The following ATP13A4 variants were observed in gnomAD, a reference collection of about 807,000 sequenced individuals.
ATP13A4 encodes probable cation-transporting ATPase 13A4.
In ATP13A4, 114 loss-of-function variants were observed where a neutral mutation model predicts 142.5. That is an observed-to-expected ratio of 0.80 (90% CI 0.69 to 0.93). ATP13A4 has a LOEUF of 0.93. Ranked by LOEUF, ATP13A4 falls within the 40% of genes least tolerant of loss-of-function variation. The pLI is 0.00. For synonymous variants in ATP13A4, 488 were observed against 514.8 expected (o/e 0.95, Z 0.70); for missense variants, 1,392 against 1,454.0 (o/e 0.96, Z 0.69).
At chr3:193,447,368 A>G (rs1001753712) in intron 18 of ATP13A4, among the ~76,000 whole-genome samples, 1 of 152,168 alleles carries the variant, frequency 6.6e-6, no homozygotes, top group Non-Finnish European at 1.5e-5. Context: ...GAAGTACAAA[A>G]GAGGAAATAA....
At chr3:193,467,857 G>A (rs1027842238) in intron 9 of ATP13A4, among the ~76,000 whole-genome samples, 4 of 152,268 alleles carry the variant, frequency 2.6e-5, no homozygotes, top group East Asian at 1.9e-4. Flanking sequence ...AAAGCATGGA[G>A]AACCCTAACT....
In ATP13A4 at chr3:193,414,579, CT is replaced by C; in HGVS notation, c.3013del (p.Ser1005ValfsTer13). 4 of 1,613,586 alleles carry C rather than the reference CT, an allele frequency of 2.5e-6. No individual in the cohort carries two copies. Among genetic ancestry groups the C allele is most frequent in the Non-Finnish European group, 3.4e-6 (4 of 1,179,596 alleles). ...RQPWYSVEIHSACTVQNESIS... is the reference protein window; with the variant it reads ...RQPWYSVEIHXACTVQNESIS... ...GCAGAAGCTGAGACTATACTCATACCTGTGTATCTCCACGGAATACCAAGGC... is the reference window on the plus strand; with the variant it reads ...GCAGAAGCTGAGACTATACTCATACCGTGTATCTCCACGGAATACCAAGGC... On this transcript the variant is annotated frameshift_variant and splice_region_variant, in exon 26 of 30. Transcript: ENST00000342695. LOFTEE classifies it high-confidence loss of function.
chr3:193,414,181 A>C (rs1560170859), intron 26 of ATP13A4, among the ~76,000 whole-genome samples: 1 of 152,238 alleles, frequency 6.6e-6, no homozygotes, highest in Non-Finnish European at 1.5e-5. Flanking sequence ...ATAATTTGTA[A>C]GTGAGTTGAA....
At chr3:193,522,563 C>T (rs1721781930) in intron 1 of ATP13A4, among the ~76,000 whole-genome samples, 2 of 152,142 alleles carry the variant, frequency 1.3e-5, no homozygotes, top group South Asian at 4.1e-4. Flanking sequence ...CCCAACAAGG[C>T]TGCCTGTCAT....
chr3:193,437,367 A>C (rs1716348218), intron 23 of ATP13A4, among the ~76,000 whole-genome samples: 1 of 152,082 alleles, frequency 6.6e-6, no homozygotes, highest in Non-Finnish European at 1.5e-5. Flanking sequence ...TATCATCCTT[A>C]TCTCCCTTAG....
intron 25 of ATP13A4, among the ~76,000 whole-genome samples, chr3:193,428,024 T>G (rs1715762548): frequency 6.6e-6 from 1 of 151,736 alleles, no homozygotes; most frequent in Admixed American, 6.6e-5. Context: ...TGGGAGAAAA[T>G]TTTTGCAATC....
intron 2 of ATP13A4, chr3:193,579,571 T>C (rs191155907): frequency 1.8e-3 from 274 of 152,310 alleles, no homozygotes; most frequent in Non-Finnish European, 2.6e-3. Flanking sequence ...CATCACTCTG[T>C]GTTTTCCACT....
intron 23 of ATP13A4, 128 bp downstream of exon 23, chr3:193,438,347 C>A: frequency 1.3e-6 from 1 of 760,420 alleles, no homozygotes; most frequent in Middle Eastern, 2.6e-4. Flanking sequence ...TGCTTGACTG[C>A]ATTCTTCCAC....
chr3:193,467,870 C>T (rs1718394287), intron 9 of ATP13A4, among the ~76,000 whole-genome samples: 1 of 152,088 alleles, frequency 6.6e-6, no homozygotes, highest in African/African-American at 2.4e-5. Context: ...CCCTAACTGT[C>T]CACAGATATG....
chr3:193,520,691 A>C (rs1203697445), intron 1 of ATP13A4, among the ~76,000 whole-genome samples: 3 of 152,200 alleles, frequency 2.0e-5, no homozygotes, highest in African/African-American at 7.2e-5. Flanking sequence ...TACTTTGCAA[A>C]AAAAAATTAT....
intron 1 of ATP13A4, among the ~76,000 whole-genome samples, chr3:193,542,642 T>A (rs1308827745): frequency 6.6e-6 from 1 of 152,052 alleles, no homozygotes; most frequent in Non-Finnish European, 1.5e-5. Context: ...CATACACCAA[T>A]GAAACAGAAT....
chr3:193,487,291 A>G (rs910598340), intron 7 of ATP13A4, among the ~76,000 whole-genome samples: 2 of 152,186 alleles, frequency 1.3e-5, no homozygotes, highest in Non-Finnish European at 2.9e-5. Context: ...GCAAAACACC[A>G]AGACCTAATA....
At chr3:193,501,321 C>T (rs1204445762) in intron 3 of ATP13A4, among the ~76,000 whole-genome samples, 1 of 152,152 alleles carries the variant, frequency 6.6e-6, no homozygotes, top group Non-Finnish European at 1.5e-5. Context: ...GGTGCAGTGG[C>T]ACACCCCTAT....
chr3:193,404,004 T>C, intron 29 of ATP13A4: 1 of 985,406 alleles, frequency 1.0e-6, no homozygotes, highest in Non-Finnish European at 1.2e-6. Flanking sequence ...CCAGTCTGCA[T>C]TATTCCTGTG....
intron 1 of ATP13A4, among the ~76,000 whole-genome samples, chr3:193,545,192 C>T (rs1481123855): frequency 6.6e-6 from 1 of 152,126 alleles, no homozygotes; most frequent in Admixed American, 6.5e-5. Context: ...ACAATATTAT[C>T]TTCTAAGTAC....
At chr3:193,546,028 G>A (rs1723205970) in intron 1 of ATP13A4, among the ~76,000 whole-genome samples, 1 of 140,496 alleles carries the variant, frequency 7.1e-6, no homozygotes, top group Admixed American at 7.4e-5. Flanking sequence ...TGTGTGTTTT[G>A]GCAAGGACCC....
rs748491325 is a variant in ATP13A4, at chr3:193,554,843, C to T, written c.-44G>A. ...CTCCTCCCTGACCTTGTCGTGCAGA[C>T]GCTTCCAGGATGAACTCCAACTCGC... On this transcript the variant is annotated 5_prime_UTR_variant, in exon 1 of 30. Transcript: ENST00000342695. The T allele has an allele frequency of 4.5e-5, 73 of 1,613,766 alleles. 1 individual carries two copies. The highest frequency in any genetic ancestry group is 3.0e-4 in the Admixed American group (18 of 60,006).
At chr3:193,465,697 C>T (rs1283871236) in intron 11 of ATP13A4, among the ~76,000 whole-genome samples, 2 of 152,134 alleles carry the variant, frequency 1.3e-5, no homozygotes, top group African/African-American at 4.8e-5. Context: ...AAATCCCTTG[C>T]TCAATAGCTC....
At chr3:193,526,740 G>A (rs1722026224) in intron 1 of ATP13A4, among the ~76,000 whole-genome samples, 1 of 152,020 alleles carries the variant, frequency 6.6e-6, no homozygotes, top group Non-Finnish European at 1.5e-5. Context: ...AAAAGGCAAG[G>A]AAATAATTAT....
Sources: gnomAD v4.1 joint callset for allele counts (sites outside exome capture counted in the v4.1 genomes callset) on GRCh38, gnomAD v4.1.1 for gene constraint, MANE v1.5 for transcripts, NCBI Gene and HGNC (gene_info 2026-07-23, HGNC 2026-07-21) for gene names.